Variants in LRMDA observed in about 807,000 individuals in gnomAD.
LRMDA encodes leucine-rich melanocyte differentiation-associated protein.
Under a neutral mutation model 29.8 loss-of-function variants are expected in LRMDA, and 18 were observed. That is an observed-to-expected ratio of 0.60 (90% CI 0.42 to 0.90). The LOEUF (loss-of-function observed/expected upper bound fraction) is 0.90, where lower values mean the gene tolerates loss of function less well. Among genes scored for constraint, LRMDA ranks in the 40% least tolerant of loss-of-function variants. The probability of loss-of-function intolerance (pLI) is 0.00; values close to 1 mark genes in which losing one functional copy is unlikely to be tolerated. For missense variants in LRMDA, 273 were observed against 273.9 expected (o/e 1.00, Z 0.02); for synonymous variants, 125 against 109.4 (o/e 1.14, Z -0.89).
At chr10:75,697,850 T>TGTGTGTGCGTGC (rs10664076) in intron 2 of LRMDA, among the ~76,000 whole-genome samples, 1 of 151,586 alleles carries the variant, frequency 6.6e-6, no homozygotes. Flanking sequence ...TGTGTGTGTG[T>TGTGTGTGCGTGC]GCGTGTGTGT....
intron 2 of LRMDA, among the ~76,000 whole-genome samples, chr10:75,837,801 T>C (rs1166317986): frequency 2.0e-5 from 3 of 152,148 alleles, no homozygotes; most frequent in African/African-American, 7.2e-5. Flanking sequence ...GGACCATGGT[T>C]CTCGGAATCT....
intron 2 of LRMDA, among the ~76,000 whole-genome samples, chr10:75,980,408 CA>C (rs1348160473): frequency 6.6e-6 from 1 of 152,194 alleles, no homozygotes; most frequent in Non-Finnish European, 1.5e-5. Context: ...AATCGCCTAC[CA>C]GGGGCCCTTC....
At position 75,750,216 on chromosome 10, in the gene LRMDA, G is replaced by GC. The variant is rs549779041; in HGVS notation, c.132-285786dup. ...CCAGATGGGGTGGTCGGGCAGAGGC[G>GC]CCCCCCACCTCCCGGACAGGGCGGC... On this transcript the variant is annotated intron_variant, in intron 2 of 6. Coordinates refer to ENST00000611255, the MANE Select transcript of LRMDA (RefSeq NM_001305581.2). Among the ~76,000 whole-genome samples the GC allele has an allele frequency of 3.5e-3, 535 of 151,378 alleles. 2 individuals are homozygous for GC. Among genetic ancestry groups the GC allele is most frequent in the African/African-American group, 0.012 (485 of 41,252 alleles).
At chr10:75,919,061 G>A (rs1845983124) in intron 2 of LRMDA, among the ~76,000 whole-genome samples, 3 of 152,202 alleles carry the variant, frequency 2.0e-5, no homozygotes, top group South Asian at 2.1e-4. Context: ...CACAAGGGCC[G>A]TAGGAAGTAG....
intron 6 of LRMDA, among the ~76,000 whole-genome samples, chr10:76,358,173 T>A (rs1024530692): frequency 6.6e-6 from 1 of 152,198 alleles, no homozygotes; most frequent in Admixed American, 6.5e-5. Context: ...ATTTCCTGAC[T>A]GCAATACTTG....
intron 2 of LRMDA, among the ~76,000 whole-genome samples, chr10:75,527,730 T>A: frequency 6.8e-6 from 1 of 147,234 alleles, no homozygotes; most frequent in Non-Finnish European, 1.5e-5. Context: ...TATAATTATA[T>A]AATAATTATA....
chr10:76,224,945 A>T (rs945905288), intron 5 of LRMDA, among the ~76,000 whole-genome samples: 3 of 152,064 alleles, frequency 2.0e-5, no homozygotes, highest in Non-Finnish European at 4.4e-5. Context: ...TTTCTTTGTA[A>T]ATGTACCAGA....
intron 6 of LRMDA, among the ~76,000 whole-genome samples, chr10:76,393,294 C>G (rs1841745056): frequency 6.6e-6 from 1 of 152,104 alleles, no homozygotes; most frequent in African/African-American, 2.4e-5. Flanking sequence ...TGGTAATGTA[C>G]ATGGGTTCCC....
At chr10:75,489,865 A>G (rs1191649202) in intron 2 of LRMDA, among the ~76,000 whole-genome samples, 1 of 152,152 alleles carries the variant, frequency 6.6e-6, no homozygotes, top group Non-Finnish European at 1.5e-5. Flanking sequence ...GATGAATGTC[A>G]TGGGTAATAA....
chr10:76,170,827 A>G (rs546119728), intron 5 of LRMDA, among the ~76,000 whole-genome samples: 1 of 152,214 alleles, frequency 6.6e-6, no homozygotes, highest in South Asian at 2.1e-4. Context: ...GAAAATTTAT[A>G]TGAGGTTAGA....
chr10:75,869,996 C>T lies in LRMDA; in HGVS notation c.132-166012C>T, dbSNP rs138715952. Among the ~76,000 whole-genome samples, 339 of 152,296 alleles carry T rather than the reference C, an allele frequency of 2.2e-3. 5 individuals are homozygous for T. The highest frequency in any genetic ancestry group is 7.8e-3 in the African/African-American group (324 of 41,556). On this transcript the variant is annotated intron_variant, in intron 2 of 6. Transcript: ENST00000611255. ...ATTGTCCTCTCCCCTCTTGCTGCTTCGTTTATATGAACCAGCCTTTCTCAC... is the reference window on the plus strand; with the variant it reads ...ATTGTCCTCTCCCCTCTTGCTGCTTTGTTTATATGAACCAGCCTTTCTCAC...
At chr10:76,250,215 A>C (rs939519910) in intron 5 of LRMDA, among the ~76,000 whole-genome samples, 1 of 152,198 alleles carries the variant, frequency 6.6e-6, no homozygotes, top group Non-Finnish European at 1.5e-5. Context: ...ACTGATTCCC[A>C]AAGATCCCCT....
intron 5 of LRMDA, among the ~76,000 whole-genome samples, chr10:76,276,053 C>CTATCTATCTATCTT (rs150054728): frequency 1.1e-4 from 15 of 140,024 alleles, no homozygotes; most frequent in African/African-American, 4.2e-4. Flanking sequence ...ATCTATCTAT[C>CTATCTATCTATCTT]TCTTTCTTTC....
intron 5 of LRMDA, among the ~76,000 whole-genome samples, chr10:76,269,422 G>A (rs1219806596): frequency 6.6e-6 from 1 of 152,134 alleles, no homozygotes; most frequent in African/African-American, 2.4e-5. Flanking sequence ...CCAGAACGGA[G>A]GCTGGACTGT....
intron 6 of LRMDA, among the ~76,000 whole-genome samples, chr10:76,341,809 G>A (rs542778022): frequency 3.3e-4 from 50 of 152,252 alleles, no homozygotes; most frequent in South Asian, 1.2e-3. Context: ...GCTTTTCATA[G>A]CCTAGTAGCA....
chr10:76,380,670 TAAA>T (rs531185581), intron 6 of LRMDA, among the ~76,000 whole-genome samples: 3 of 54,748 alleles, frequency 5.5e-5, no homozygotes, highest in Non-Finnish European at 1.3e-4. Context: ...CTCCACTTCA[TAAA>T]AAAAAAAAAA....
intron 5 of LRMDA, among the ~76,000 whole-genome samples, chr10:76,188,935 T>TAC (rs3998129): frequency 0.052 from 7,303 of 141,622 alleles, 198 homozygotes; most frequent in East Asian, 0.19. Context: ...TGATTGCATG[T>TAC]ACACACACAC....
chr10:76,038,338 G>T (rs934622369), intron 3 of LRMDA, among the ~76,000 whole-genome samples: 1 of 152,188 alleles, frequency 6.6e-6, no homozygotes, highest in African/African-American at 2.4e-5. Flanking sequence ...CTTTGTCTTT[G>T]GTTGAGTCCT....
intron 2 of LRMDA, among the ~76,000 whole-genome samples, chr10:75,741,883 T>G (rs889267501): frequency 1.3e-5 from 2 of 152,064 alleles, no homozygotes; most frequent in African/African-American, 4.8e-5. Flanking sequence ...GGGGGGTGAT[T>G]AGGTCATAAG....
Sources: gnomAD v4.1 joint callset for allele counts (sites outside exome capture counted in the v4.1 genomes callset) on GRCh38, gnomAD v4.1.1 for gene constraint, MANE v1.5 for transcripts, NCBI Gene and HGNC (gene_info 2026-07-23, HGNC 2026-07-21) for gene names.